SAMD12: variants seen among roughly 807,000 people sequenced by gnomAD.
SAMD12 encodes the protein sterile alpha motif domain containing 12, also known as sterile alpha motif domain-containing protein 12.
Under a neutral mutation model 15.0 loss-of-function variants are expected in SAMD12, and 9 were observed. That is an observed-to-expected ratio of 0.60 (90% CI 0.36 to 1.05). The LOEUF (loss-of-function observed/expected upper bound fraction) is 1.05. SAMD12 is among the 50% of genes least tolerant of loss of function. The pLI is 0.01. For synonymous variants in SAMD12, 86 were observed against 90.1 expected, an observed-to-expected ratio of 0.96 and a Z score of 0.25; for missense variants, 230 against 234.2, an observed-to-expected ratio of 0.98 and a Z score of 0.12.
chr8:118,482,136 A>G (rs1214989273), intron 2 of SAMD12, among the ~76,000 whole-genome samples: 2 of 152,240 alleles, frequency 1.3e-5, no homozygotes, highest in African/African-American at 4.8e-5. Context: ...AACAAAGGTC[A>G]TGAGCATCTT....
At chr8:118,488,539 C>A (rs1016953726) in intron 2 of SAMD12, among the ~76,000 whole-genome samples, 5 of 152,160 alleles carry the variant, frequency 3.3e-5, no homozygotes, top group Admixed American at 6.5e-5. Flanking sequence ...AATCCCCTCC[C>A]ACCAACCCCC....
intron 2 of SAMD12, among the ~76,000 whole-genome samples, chr8:118,513,369 G>A (rs1825139934): frequency 6.6e-6 from 1 of 152,198 alleles, no homozygotes; most frequent in African/African-American, 2.4e-5. Flanking sequence ...GTTAGAGGAT[G>A]CAGGAAAAGC....
chr8:118,357,980 C>CA (rs1554641045), intron 4 of SAMD12, among the ~76,000 whole-genome samples: 3 of 151,886 alleles, frequency 2.0e-5, no homozygotes, highest in Non-Finnish European at 2.9e-5. Flanking sequence ...ACCATCTCTA[C>CA]AAAAAATAAA....
At chr8:118,522,639 G>A (rs1226139180) in intron 2 of SAMD12, among the ~76,000 whole-genome samples, 1 of 152,154 alleles carries the variant, frequency 6.6e-6, no homozygotes, top group Non-Finnish European at 1.5e-5. Context: ...CAGTTTAATT[G>A]TAAACCTTGT....
At chr8:118,153,396 G>A in the SAMD12 span, among the ~76,000 whole-genome samples, 2 of 147,138 alleles carry the variant, frequency 1.4e-5, no homozygotes, top group East Asian at 2.0e-4. Context: ...CAAGCTCAAA[G>A]TCAAGGGAAA....
At chr8:118,162,137 GC>G in the SAMD12 span, among the ~76,000 whole-genome samples, 3 of 143,344 alleles carry the variant, frequency 2.1e-5, no homozygotes, top group Non-Finnish European at 4.6e-5. Flanking sequence ...TCCAGCCTGG[GC>G]AGCAGAGCAA....
intron 4 of SAMD12, among the ~76,000 whole-genome samples, chr8:118,303,847 G>A (rs1245674233): frequency 6.6e-6 from 1 of 152,172 alleles, no homozygotes; most frequent in African/African-American, 2.4e-5. Flanking sequence ...TCCCATTCCA[G>A]TTTAAAATCC....
chr8:118,548,039 G>A (rs1250457716), intron 2 of SAMD12, among the ~76,000 whole-genome samples: 2 of 152,044 alleles, frequency 1.3e-5, no homozygotes, highest in Non-Finnish European at 2.9e-5. Flanking sequence ...AAACAGAGAA[G>A]GAAACCACAG....
At chr8:118,241,195 A>G (rs1812554320) in intron 4 of SAMD12, among the ~76,000 whole-genome samples, 1 of 152,082 alleles carries the variant, frequency 6.6e-6, no homozygotes, top group South Asian at 2.1e-4. Context: ...GTGATTAGAA[A>G]CTTCTTCTTA....
In SAMD12 at chr8:118,217,056, T is replaced by C. The variant is rs182189768; in HGVS notation, c.434-19324A>G. Among the ~76,000 whole-genome samples, 6 of 152,152 alleles carry C rather than the reference T, an allele frequency of 3.9e-5. No homozygotes were observed. The East Asian group carries it at 9.7e-4, about 25-fold the overall frequency. On this transcript the variant is annotated intron_variant, in intron 4 of 4. Coordinates refer to the SAMD12 transcript ENST00000409003. The stretch of plus-strand genomic sequence containing the variant: ...GTCTCGCTCTGTCACCAGGCTGGAG[T>C]GCAGTGGTGCGATCTCGGCTCACTG...
chr8:118,365,810 G>A (rs891657018), intron 4 of SAMD12, among the ~76,000 whole-genome samples: 19 of 151,842 alleles, frequency 1.3e-4, no homozygotes, highest in African/African-American at 4.1e-4. Context: ...TTCTATAGTC[G>A]CCAAGCACCA....
chr8:118,145,160 G>A, the SAMD12 span, among the ~76,000 whole-genome samples: 1 of 152,156 alleles, frequency 6.6e-6, no homozygotes, highest in Non-Finnish European at 1.5e-5. Flanking sequence ...GTAAATAACA[G>A]TTTTATAGCT....
At chr8:118,206,100 C>T (rs1189218806) in intron 4 of SAMD12, among the ~76,000 whole-genome samples, 1 of 152,192 alleles carries the variant, frequency 6.6e-6, no homozygotes, top group African/African-American at 2.4e-5. Context: ...TCAAACTTGA[C>T]TGCCTCAAAC....
At chr8:118,576,760 A>G (rs1416677747) in intron 2 of SAMD12, among the ~76,000 whole-genome samples, 1 of 152,152 alleles carries the variant, frequency 6.6e-6, no homozygotes, top group Admixed American at 6.5e-5. Flanking sequence ...TCTTGAGTCT[A>G]CAAGACTAGA....
At chr8:118,616,406 A>G (rs1009393507) in intron 1 of SAMD12, among the ~76,000 whole-genome samples, 2 of 152,224 alleles carry the variant, frequency 1.3e-5, no homozygotes, top group African/African-American at 2.4e-5. Context: ...CCAGTAGAAG[A>G]GGTACATTCA....
intron 3 of SAMD12, among the ~76,000 whole-genome samples, chr8:118,381,619 G>A (rs1424132754): frequency 6.6e-6 from 1 of 152,164 alleles, no homozygotes; most frequent in Non-Finnish European, 1.5e-5. Context: ...TGGATGCAGA[G>A]GTCAAAGTGA....
chr8:118,512,662 T>C (rs922846436), intron 2 of SAMD12, among the ~76,000 whole-genome samples: 7 of 152,198 alleles, frequency 4.6e-5, no homozygotes, highest in African/African-American at 7.2e-5. Context: ...GCAATAATAT[T>C]ACTAAAACAC....
intron 2 of SAMD12, among the ~76,000 whole-genome samples, chr8:118,469,214 T>A (rs73313493): frequency 0.017 from 2,606 of 151,720 alleles, 80 homozygotes; most frequent in African/African-American, 0.06. Context: ...TGTGGACCTA[T>A]CTTATCCATG....
intron 3 of SAMD12, among the ~76,000 whole-genome samples, chr8:118,416,068 T>G (rs756659762): frequency 5.3e-5 from 8 of 152,160 alleles, no homozygotes; most frequent in Non-Finnish European, 1.0e-4. Flanking sequence ...CTCAGTGTTA[T>G]AAAAGGAGAA....
Sources: gnomAD v4.1 joint callset for allele counts (sites outside exome capture counted in the v4.1 genomes callset) on GRCh38, gnomAD v4.1.1 for gene constraint, MANE v1.5 for transcripts, NCBI Gene and HGNC (gene_info 2026-07-23, HGNC 2026-07-21) for gene names.